QSER1: variants seen among roughly 807,000 people sequenced by gnomAD.
QSER1 encodes the protein glutamine and serine-rich protein 1.
Under a neutral mutation model 158.5 loss-of-function variants are expected in QSER1, and 49 were observed. The ratio of observed to expected loss-of-function variants is 0.31; its 90% confidence interval spans 0.25 to 0.39. The LOEUF is 0.39. Among genes scored for constraint, QSER1 ranks in the 10% least tolerant of loss-of-function variants. QSER1 has a pLI of 1.00. For synonymous variants in QSER1, 650 were observed against 715.5 expected, an observed-to-expected ratio of 0.91 and a Z score of 1.46; for missense variants, 1,754 against 2,010.3, an observed-to-expected ratio of 0.87 and a Z score of 2.44.
chr11:32,914,668 A>G (rs1423526699), intron 1 of QSER1, among the ~76,000 whole-genome samples: 2 of 152,216 alleles, frequency 1.3e-5, no homozygotes, highest in African/African-American at 4.8e-5. Context: ...CTACCCAAGG[A>G]GTAGGTTTAT....
chr11:32,947,824 C>T (rs1317411196), intron 4 of QSER1, among the ~76,000 whole-genome samples: 1 of 152,162 alleles, frequency 6.6e-6, no homozygotes, highest in Non-Finnish European at 1.5e-5. Context: ...AATTTTACTA[C>T]AGTTAAATTT....
intron 1 of QSER1, among the ~76,000 whole-genome samples, chr11:32,925,489 C>G (rs997471803): frequency 2.2e-5 from 3 of 135,822 alleles, no homozygotes; most frequent in African/African-American, 8.0e-5. Context: ...GTTGATACAT[C>G]GCTTTTTTAT....
In QSER1 at chr11:32,970,964, T is replaced by C. The variant is rs566329790; in HGVS notation, c.5205+1821T>C. On this transcript the variant is annotated intron_variant, in intron 10 of 12. Coordinates refer to ENST00000650167, the MANE Select transcript of QSER1 (RefSeq NM_001076786.3). ...CAATTTGCTTTTTTTTTTTTTTTTTTTTTTTTGAGACAGACTCTCGCTCTG... is the reference window on the plus strand; with the variant it reads ...CAATTTGCTTTTTTTTTTTTTTTTTCTTTTTTGAGACAGACTCTCGCTCTG... Among the ~76,000 whole-genome samples the C allele has an allele frequency of 5.7e-4, 81 of 143,244 alleles. 2 individuals are homozygous for C. Among genetic ancestry groups the C allele is most frequent in the Non-Finnish European group, 9.1e-4 (60 of 65,586 alleles). 94.0% of individuals were successfully genotyped at this position (143,244 alleles called of 152,430 possible).
At chr11:32,922,580 G>T (rs1344927943) in intron 1 of QSER1, among the ~76,000 whole-genome samples, 1 of 148,824 alleles carries the variant, frequency 6.7e-6, no homozygotes, top group Non-Finnish European at 1.5e-5. Flanking sequence ...CGCCTCCCAG[G>T]TTCAATTGGT....
chr11:32,915,958 C>A (rs937961277), intron 1 of QSER1, among the ~76,000 whole-genome samples: 6 of 150,336 alleles, frequency 4.0e-5, no homozygotes, highest in Admixed American at 4.0e-4. Flanking sequence ...ACTCTTGTTG[C>A]CTAGGCTGGA....
chr11:32,929,993 T>C (rs774919044), intron 3 of QSER1, among the ~76,000 whole-genome samples: 5 of 152,250 alleles, frequency 3.3e-5, no homozygotes, highest in Non-Finnish European at 2.9e-5. Context: ...TCAGTCACTA[T>C]GTAATTACAA....
intron 6 of QSER1, among the ~76,000 whole-genome samples, chr11:32,955,631 CT>C (rs34968262): frequency 1.4e-4 from 21 of 147,688 alleles, no homozygotes; most frequent in Admixed American, 2.0e-4. Flanking sequence ...TATTGTTTAA[CT>C]TTTTTTTTTA....
At position 32,933,038 on chromosome 11, in the gene QSER1, T is replaced by G; in HGVS notation, c.1780T>G (p.Ser594Ala). The change falls in exon 4 of 13, where the codon TCC becomes GCC. Residue 594 changes from serine to alanine, a missense_variant. Transcript: ENST00000650167. ...TTCAGAAAGCTATGCTTCAGGGGAGTCCCTAACATTAACAGCCCCTTCTCT... is the reference window on the plus strand; with the variant it reads ...TTCAGAAAGCTATGCTTCAGGGGAGGCCCTAACATTAACAGCCCCTTCTCT... ...SLSESYASGE[S>A]LTLTAPSLSY... 6.2e-7 allele frequency: 1 copy of G among 1,612,598 alleles called. No individual in the cohort carries two copies. Among genetic ancestry groups the G allele is most frequent in the Non-Finnish European group, 8.5e-7 (1 of 1,179,934 alleles).
chr11:32,966,565 T>C (rs1248698494), intron 9 of QSER1, 128 bp downstream of exon 9: 1 of 746,816 alleles, frequency 1.3e-6, no homozygotes, highest in Non-Finnish European at 2.0e-6. Flanking sequence ...GTTAAATATA[T>C]AGCATCTTAA....
At chr11:32,917,486 A>G (rs1313166719) in intron 1 of QSER1, among the ~76,000 whole-genome samples, 1 of 152,146 alleles carries the variant, frequency 6.6e-6, no homozygotes, top group South Asian at 2.1e-4. Context: ...CAGCTAACTT[A>G]ATGTCAAATG....
Position 32,935,162 on chromosome 11 carries a change from C to CCTAACAGGA in QSER1, c.3908_3916dup (p.Asn1303_Thr1305dup). ...GTTTTCCACTCTTGCTGTACGAATGCCTAACAGGACTAGACGGCCAGGGAC... is the reference window on the plus strand; with the variant it reads ...GTTTTCCACTCTTGCTGTACGAATGCCTAACAGGACTAACAGGACTAGACGGCCAGGGAC... On this transcript the variant is annotated inframe_insertion, in exon 4 of 13. Coordinates refer to ENST00000650167, the MANE Select transcript of QSER1 (RefSeq NM_001076786.3). 1 of 1,614,048 alleles carries CCTAACAGGA rather than the reference C, an allele frequency of 6.2e-7. No individual in the cohort carries two copies. The highest frequency in any genetic ancestry group is 2.2e-5 in the East Asian group (1 of 44,884).
chr11:32,934,092 G>T lies in QSER1; in HGVS notation c.2834G>T (p.Ser945Ile), dbSNP rs1379071837. Residue 945 changes from serine (S) to isoleucine (I), a missense_variant, in exon 4 of 13, where the codon AGT (serine) becomes ATT (isoleucine). Ser to Ile is a moderately radical substitution (Grantham distance 142, BLOSUM62 -2). This residue lies in a region of QSER1 where 1,707 missense variants were observed against 1,919.6 expected (regional missense o/e 0.89). Transcript: ENST00000650167. The part of the protein sequence containing the change: ...QQHLTTKGHF[S>I]ETNQHDSKNQ... ...CATCTAACAACAAAGGGCCATTTTA[G>T]TGAAACAAATCAACATGATTCAAAG... 6.2e-7 allele frequency: 1 copy of T among 1,613,980 alleles called. No homozygotes were observed. The highest frequency in any genetic ancestry group is 8.5e-7 in the Non-Finnish European group (1 of 1,179,968).
At chr11:32,939,851 A>C (rs1223108917) in intron 4 of QSER1, among the ~76,000 whole-genome samples, 1 of 151,898 alleles carries the variant, frequency 6.6e-6, no homozygotes, top group African/African-American at 2.4e-5. Flanking sequence ...ATAGAATGAG[A>C]AGATCCCATT....
chr11:32,954,072 G>T lies in QSER1; in HGVS notation c.4393G>T (p.Ala1465Ser). 1.9e-6 allele frequency: 3 copies of T among 1,614,172 alleles called. No individual in the cohort carries two copies. The highest frequency in any genetic ancestry group is 2.5e-6 in the Non-Finnish European group (3 of 1,180,034). The change falls in exon 5 of 13, where the codon GCC becomes TCC. Residue 1465 changes from alanine (A) to serine (S), a missense_variant. Coordinates refer to ENST00000650167, the MANE Select transcript of QSER1 (RefSeq NM_001076786.3). ...DQFAKGQDTV[A>S]IEGFTDEEDT... ...GTTTGCAAAAGGACAGGACACTGTT[G>T]CCATAGAAGGTTTTACAGATGAGGA...
Position 32,953,907 on chromosome 11 carries a change from G to A in QSER1, c.4228G>A (p.Ala1410Thr). ...CCCAACTGCCAATACTACTGGTACT[G>A]CTACTACTTCCTCAACCACTGTGGG... Reference protein sequence around the residue: ...TSPTANTTGTATTSSTTVGAV... With the variant: ...TSPTANTTGTTTTSSTTVGAV... Residue 1410 changes from alanine to threonine, a missense_variant, in exon 5 of 13, where the codon GCT (alanine) becomes ACT (threonine). Transcript: ENST00000650167. 6.2e-7 allele frequency: 1 copy of A among 1,614,138 alleles called. No individual in the cohort carries two copies.
chr11:32,910,629 T>C (rs564306001), intron 1 of QSER1, among the ~76,000 whole-genome samples: 3 of 152,324 alleles, frequency 2.0e-5, no homozygotes, highest in Non-Finnish European at 4.4e-5. Flanking sequence ...GAGACTTAAG[T>C]TGAAATTTTC....
chr11:32,918,795 A>C (rs1420979641), intron 1 of QSER1, among the ~76,000 whole-genome samples: 5 of 152,142 alleles, frequency 3.3e-5, no homozygotes, highest in African/African-American at 9.7e-5. Flanking sequence ...TCTTCCCCCC[A>C]AAAACCCCTG....
chr11:32,971,689 T>C (rs1027133378), intron 10 of QSER1, among the ~76,000 whole-genome samples: 1 of 152,080 alleles, frequency 6.6e-6, no homozygotes, highest in Non-Finnish European at 1.5e-5. Context: ...ATGCCAAAAG[T>C]GTTATTGTTT....
rs1425629315 is a variant in QSER1 at position 32,964,733 on chromosome 11, TATATATACACAC to T, written c.4970-1565_4970-1554del. 3.5e-5 allele frequency among the ~76,000 whole-genome samples: 4 copies of T among 115,284 alleles called. 1 individual carries two copies. The highest frequency in any genetic ancestry group is 5.7e-4 in the South Asian group (2 of 3,516). 75.6% of individuals were successfully genotyped at this position (115,284 alleles called of 152,430 possible). On this transcript the variant is annotated intron_variant, in intron 8 of 12. Transcript: ENST00000650167. ...AAAAAACACCATATATATATATATATATATATACACACACACACACACACACACACACACACA... is the reference window on the plus strand; with the variant it reads ...AAAAAACACCATATATATATATATATACACACACACACACACACACACACA...
Sources: gnomAD v4.1 joint callset for allele counts (sites outside exome capture counted in the v4.1 genomes callset) on GRCh38, gnomAD v4.1.1 for gene constraint, gnomAD v4.1.1 regional missense constraint, MANE v1.5 for transcripts, NCBI Gene and HGNC (gene_info 2026-07-23, HGNC 2026-07-21) for gene names.